CDC42BPB: variants seen among roughly 807,000 people sequenced by gnomAD.
CDC42BPB encodes the protein serine/threonine-protein kinase MRCK beta.
CDC42BPB carries 37 observed loss-of-function variants against 214.9 expected under a neutral mutation model. The observed-to-expected ratio is 0.17, with a 90% CI of 0.13 to 0.23. The LOEUF (loss-of-function observed/expected upper bound fraction) is 0.23, where lower values mean the gene tolerates loss of function less well. Ranked by LOEUF, CDC42BPB falls within the 10% of genes least tolerant of loss-of-function variation. The pLI, the probability that CDC42BPB is intolerant of heterozygous loss-of-function variation, is 1.00. For synonymous variants in CDC42BPB, 931 were observed against 884.0 expected (o/e 1.05, Z -0.94); for missense variants, 1,694 against 2,227.0 (o/e 0.76, Z 4.82).
chr14:103,012,633 C>T (rs936288499), intron 1 of CDC42BPB, among the ~76,000 whole-genome samples: 2 of 152,102 alleles, frequency 1.3e-5, no homozygotes, highest in African/African-American at 4.8e-5. Context: ...GGTGAAATCT[C>T]GTCTCTACTA....
intron 1 of CDC42BPB, among the ~76,000 whole-genome samples, chr14:103,016,483 G>T (rs374327369): frequency 1.4e-5 from 2 of 147,482 alleles, no homozygotes; most frequent in African/African-American, 5.2e-5. Context: ...GCAGGTGAGG[G>T]GAGGGAACCA....
intron 1 of CDC42BPB, among the ~76,000 whole-genome samples, chr14:103,052,994 T>G (rs1888693171): frequency 2.0e-5 from 3 of 152,256 alleles, no homozygotes; most frequent in Admixed American, 2.0e-4. Context: ...TTGGAAACTG[T>G]AAAGTGTTTC....
chr14:102,971,041 A>C (rs1395079170), intron 13 of CDC42BPB, among the ~76,000 whole-genome samples: 3 of 152,148 alleles, frequency 2.0e-5, no homozygotes, highest in Non-Finnish European at 4.4e-5. Flanking sequence ...AGGGCTGCAA[A>C]CCCTGGGGTC....
At chr14:102,933,868 G>A in intron 36 of CDC42BPB, 25 bp from the exon 37 acceptor site, 1 of 1,497,420 alleles carries the variant, frequency 6.7e-7, no homozygotes, top group South Asian at 1.4e-5. Flanking sequence ...AGGGCAGGGT[G>A]AGCACCCGCT....
intron 24 of CDC42BPB, among the ~76,000 whole-genome samples, chr14:102,951,178 C>A (rs1270992971): frequency 6.6e-6 from 1 of 152,230 alleles, no homozygotes; most frequent in Non-Finnish European, 1.5e-5. Context: ...CCGCCTCCCA[C>A]ACGTGGGAGT....
At chr14:103,024,159 G>A (rs773420277) in intron 1 of CDC42BPB, among the ~76,000 whole-genome samples, 1 of 152,232 alleles carries the variant, frequency 6.6e-6, no homozygotes, top group Admixed American at 6.5e-5. Flanking sequence ...GAAGGACGAC[G>A]TGACAGCCAG....
In CDC42BPB at chr14:103,008,531, T is replaced by C. The variant is rs1319097165; in HGVS notation, c.292A>G (p.Thr98Ala). 1.2e-6 allele frequency: 2 copies of C among 1,612,424 alleles called. No individual in the cohort carries two copies. Among genetic ancestry groups the C allele is most frequent in the Non-Finnish European group, 1.7e-6 (2 of 1,178,376 alleles). ...GEVAVVKMKNTERIYAMKILN... is the reference protein window; with the variant it reads ...GEVAVVKMKNAERIYAMKILN... ...ATTTTCATTGCATAAATTCGTTCAGTATTCTTCATTTTGACAACAGCAACC... is the reference window on the plus strand; with the variant it reads ...ATTTTCATTGCATAAATTCGTTCAGCATTCTTCATTTTGACAACAGCAACC... The change falls in exon 3 of 37, where the codon ACT becomes GCT. Residue 98 changes from threonine to alanine, a missense_variant. By Grantham distance (58) the Thr-to-Ala change is moderately conservative. Transcript: ENST00000361246.
rs995548109 is a variant in CDC42BPB at position 102,968,728 on chromosome 14, G to A, written c.1996-12C>T. On this transcript the variant is annotated splice_polypyrimidine_tract_variant and intron_variant, in intron 14 of 36. Coordinates refer to ENST00000361246, the MANE Select transcript of CDC42BPB (RefSeq NM_006035.4). The stretch of plus-strand genomic sequence containing the variant: ...CCTCCTTGCTTCACCTGAAGACAAA[G>A]GTTAACATAAATTGACAAACCTCTG... The A allele has an allele frequency of 3.7e-6, 6 of 1,612,682 alleles. No individual in the cohort carries two copies. In the African/African-American group the frequency reaches 8.0e-5, roughly 22 times the overall value.
At chr14:103,010,228 A>G (rs1361626415) in intron 2 of CDC42BPB, among the ~76,000 whole-genome samples, 2 of 152,196 alleles carry the variant, frequency 1.3e-5, no homozygotes, top group Non-Finnish European at 2.9e-5. Context: ...TGGAGGCTGC[A>G]GTGAGCTGTG....
rs757489588 is a variant in CDC42BPB at position 102,964,510 on chromosome 14, G to A, written c.2718C>T (p.Thr906=). The part of the protein sequence containing the change: ...ELRKVKDANL[T]LESKLKDSEA... Reference sequence around the variant, plus strand: ...ACCCTGGCACCAAGTACCTTTCCAAGGTGAGGTTGGCGTCCTTGACCTTCC... The same window carrying A: ...ACCCTGGCACCAAGTACCTTTCCAAAGTGAGGTTGGCGTCCTTGACCTTCC... Residue 906 remains threonine, a synonymous_variant, in exon 19 of 37, where the codon ACC becomes ACT. Transcript: ENST00000361246. The A allele has an allele frequency of 2.2e-5, 36 of 1,613,566 alleles. No homozygotes were observed. The highest frequency in any genetic ancestry group is 2.8e-5 in the Non-Finnish European group (33 of 1,179,968).
intron 1 of CDC42BPB, among the ~76,000 whole-genome samples, chr14:103,052,842 A>G (rs1243565521): frequency 6.6e-6 from 1 of 152,250 alleles, no homozygotes; most frequent in Non-Finnish European, 1.5e-5. Flanking sequence ...TTCAAACATC[A>G]GCTCCATCCA....
rs549187615 is a variant in CDC42BPB at position 103,020,447 on chromosome 14, G to A, written c.176-8259C>T. ...GCAGCACCTCCACAGCTGCTGGAGC[G>A]CGGGGGCAGCTGCAGGGGAGGCACC... On this transcript the variant is annotated intron_variant, in intron 1 of 36. Coordinates refer to ENST00000361246, the MANE Select transcript of CDC42BPB (RefSeq NM_006035.4). Among the ~76,000 whole-genome samples, 24 of 152,318 alleles carry A rather than the reference G, an allele frequency of 1.6e-4. 1 individual carries two copies. The highest frequency in any genetic ancestry group is 3.4e-3 in the Middle Eastern group (1 of 294).
rs551454013 is a variant in CDC42BPB, at chr14:103,040,765, G to C, written c.175+16234C>G. Among the ~76,000 whole-genome samples the C allele has an allele frequency of 2.6e-5, 4 of 152,216 alleles. No individual in the cohort carries two copies. In the East Asian group the frequency reaches 7.7e-4, roughly 29 times the overall value. Reference sequence around the variant, plus strand: ...GAGCCACCATAGCCATTCTTTATTTGAATTTTAAAAGTTCTAAATAAGTGG... The same window carrying C: ...GAGCCACCATAGCCATTCTTTATTTCAATTTTAAAAGTTCTAAATAAGTGG... On this transcript the variant is annotated intron_variant, in intron 1 of 36. Coordinates refer to ENST00000361246, the MANE Select transcript of CDC42BPB (RefSeq NM_006035.4).
At chr14:103,000,402 C>T (rs936045818) in intron 4 of CDC42BPB, among the ~76,000 whole-genome samples, 1 of 152,248 alleles carries the variant, frequency 6.6e-6, no homozygotes, top group Non-Finnish European at 1.5e-5. Context: ...TCTCTTGCAG[C>T]ACTCAGAAAG....
chr14:102,950,306 C>A lies in CDC42BPB; in HGVS notation c.3309+160G>T, dbSNP rs369276395. Among the ~76,000 whole-genome samples the A allele has an allele frequency of 3.3e-5, 5 of 152,246 alleles. No individual in the cohort carries two copies. The East Asian group carries it at 7.7e-4, about 23-fold the overall frequency. ...AGGCCATTCAGAACAGCGGCTGCGC[C>A]GACCTGATGGCCTCAGTGCCCAGGA... On this transcript the variant is annotated intron_variant, in intron 25 of 36. Transcript: ENST00000361246.
chr14:102,997,871 G>T (rs574293583), intron 5 of CDC42BPB, among the ~76,000 whole-genome samples: 2 of 152,220 alleles, frequency 1.3e-5, no homozygotes, highest in Admixed American at 1.3e-4. Flanking sequence ...GGAGCCGGGC[G>T]CGGTGGCTCA....
At chr14:103,005,321 C>A (rs947859840) in intron 3 of CDC42BPB, among the ~76,000 whole-genome samples, 1 of 152,188 alleles carries the variant, frequency 6.6e-6, no homozygotes, top group African/African-American at 2.4e-5. Flanking sequence ...ATGTGAGGCA[C>A]GAGGGCACAG....
chr14:102,948,470 T>G (rs1309639148), intron 26 of CDC42BPB, among the ~76,000 whole-genome samples: 2 of 554 alleles, frequency 3.6e-3, no homozygotes, highest in Non-Finnish European at 3.2e-3. Context: ...TGAGGGGGAG[T>G]GGGGGGTGGG....
In CDC42BPB at chr14:102,983,615, C is replaced by G; in HGVS notation, c.832G>C (p.Glu278Gln). Residue 278 changes from glutamate to glutamine, a missense_variant, in exon 7 of 37, where the codon GAA becomes CAA. This residue lies in a region of CDC42BPB where 225 missense variants were observed against 459.3 expected (regional missense o/e 0.49). Coordinates refer to ENST00000361246, the MANE Select transcript of CDC42BPB (RefSeq NM_006035.4). ...GVCMYEMLYGETPFYAESLVE... is the reference protein window; with the variant it reads ...GVCMYEMLYGQTPFYAESLVE... The stretch of plus-strand genomic sequence containing the variant: ...AGTGACTCCGCATAAAACGGCGTTT[C>G]TCCATAGAGCATCTCATACATGCAG... 1 of 1,613,120 alleles carries G rather than the reference C, an allele frequency of 6.2e-7. No homozygotes were observed. The highest frequency in any genetic ancestry group is 8.5e-7 in the Non-Finnish European group (1 of 1,180,012).
Sources: gnomAD v4.1 joint callset for allele counts (sites outside exome capture counted in the v4.1 genomes callset) on GRCh38, gnomAD v4.1.1 for gene constraint, gnomAD v4.1.1 regional missense constraint, MANE v1.5 for transcripts, NCBI Gene and HGNC (gene_info 2026-07-23, HGNC 2026-07-21) for gene names.